Variants in SLC26A11 observed in about 807,000 individuals in gnomAD.
SLC26A11 encodes sodium-independent sulfate anion transporter.
SLC26A11 carries 58 observed loss-of-function variants against 62.2 expected under a neutral mutation model. The ratio of observed to expected loss-of-function variants is 0.93; its 90% CI spans 0.76 to 1.16. The LOEUF (loss-of-function observed/expected upper bound fraction) is 1.16, where lower values mean the gene tolerates loss of function less well. Ranked by LOEUF, SLC26A11 falls within the 50% of genes most tolerant of loss-of-function variation. The pLI, the probability that SLC26A11 is intolerant of heterozygous loss-of-function variation, is 0.00. For synonymous variants in SLC26A11, 411 were observed against 368.9 expected (o/e 1.11, Z -1.31); for missense variants, 790 against 794.3 (o/e 0.99, Z 0.06).
rs373987508 is a variant in SLC26A11, at chr17:80,241,795, A to T, written c.1010A>T (p.Asp337Val). 1.1e-5 allele frequency: 18 copies of T among 1,614,076 alleles called. No individual in the cohort carries two copies. Among genetic ancestry groups the T allele is most frequent in the Non-Finnish European group, 1.4e-5 (17 of 1,180,040 alleles). ...AFASQNNYRI[D>V]ANQELLAIGL... ...GCATCTCAGAATAATTACCGCATCG[A>T]TGCCAACCAGGAGCTGCTGGCCATC... The change falls in exon 10 of 18, where the codon GAT becomes GTT. Residue 337 changes from aspartate to valine, a missense_variant. Coordinates refer to ENST00000361193, the MANE Select transcript of SLC26A11 (RefSeq NM_001166347.2).
chr17:80,237,466 ACTGCTGGGTCCTAC>A, intron 8 of SLC26A11, 42 bp from the exon 9 acceptor site: 1 of 1,514,270 alleles, frequency 6.6e-7, no homozygotes, highest in Non-Finnish European at 9.0e-7. Flanking sequence ...TTCATGGGTC[ACTGCTGGGTCCTAC>A]CCCTTAGGAA....
chr17:80,245,095 C>G (rs2144964123), intron 10 of SLC26A11, 101 bp from the exon 11 acceptor site: 1 of 1,075,026 alleles, frequency 9.3e-7, no homozygotes, highest in African/African-American at 1.6e-5. Flanking sequence ...CGAGCCCTGC[C>G]TTCCTGCCTC....
intron 7 of SLC26A11, among the ~76,000 whole-genome samples, chr17:80,229,961 T>G (rs1457406124): frequency 1.3e-5 from 2 of 151,496 alleles, no homozygotes; most frequent in Non-Finnish European, 2.9e-5. Flanking sequence ...CCCAGCACTT[T>G]GGGAGGCCGA....
chr17:80,226,812 G>A (rs561486228), intron 6 of SLC26A11, among the ~76,000 whole-genome samples: 2 of 152,336 alleles, frequency 1.3e-5, no homozygotes, highest in East Asian at 1.9e-4. Flanking sequence ...GGAAGGGGCT[G>A]GAGGAGGAAA....
At chr17:80,244,673 C>T (rs905063783) in intron 10 of SLC26A11, among the ~76,000 whole-genome samples, 3 of 152,072 alleles carry the variant, frequency 2.0e-5, no homozygotes, top group Non-Finnish European at 1.5e-5. Context: ...AAAACCCTGT[C>T]TCTACTAAAA....
At chr17:80,224,375 G>C (rs149076212) in intron 5 of SLC26A11, among the ~76,000 whole-genome samples, 1 of 146,080 alleles carries the variant, frequency 6.8e-6, no homozygotes, top group African/African-American at 2.6e-5. Context: ...GTGTGAGTGC[G>C]CGCGCGCGTG....
intron 15 of SLC26A11, 91 bp downstream of exon 15, chr17:80,248,765 CA>C (rs1371754697): frequency 7.8e-7 from 1 of 1,276,274 alleles, no homozygotes; most frequent in Admixed American, 2.1e-5. Context: ...ACCCTGTCCC[CA>C]ACGCTCTCCA....
intron 7 of SLC26A11, among the ~76,000 whole-genome samples, chr17:80,232,321 C>G (rs753655718): frequency 2.2e-4 from 33 of 151,618 alleles, no homozygotes; most frequent in Non-Finnish European, 4.1e-4. Flanking sequence ...ATGGCGTGAT[C>G]TTGGCTCACT....
At chr17:80,225,978 G>A (rs11150850) in intron 6 of SLC26A11, 62 bp downstream of exon 6, 256,865 of 1,482,228 alleles carry the variant, frequency 0.17, 28,282 homozygotes, top group East Asian at 0.63. Context: ...CTCCTCTCCC[G>A]GCCCCCACCT....
intron 6 of SLC26A11, among the ~76,000 whole-genome samples, chr17:80,227,467 C>T (rs1469077583): frequency 1.3e-5 from 2 of 152,196 alleles, no homozygotes. Context: ...CGGGCCTCTC[C>T]ACTGCCTGTC....
rs1391006589 is a variant in SLC26A11 at position 80,223,658 on chromosome 17, T to C, written c.513+321T>C. Among the ~76,000 whole-genome samples the C allele has an allele frequency of 2.0e-5, 3 of 152,196 alleles. No individual in the cohort carries two copies. The highest frequency in any genetic ancestry group is 6.5e-5 in the Admixed American group (1 of 15,280). On this transcript the variant is annotated intron_variant, in intron 5 of 17. Transcript: ENST00000361193. This position sits in a 1 kb window ranked among gnomAD's most constrained non-coding sequence, Gnocchi z 4.6. ...CTCTGTGACGTGGCTCTGTTCTCCC[T>C]GCACTGGGCACACCCAGCAGGCCCC...
intron 16 of SLC26A11, 24 bp downstream of exon 16, chr17:80,249,311 A>G (rs1201930530): frequency 6.2e-7 from 1 of 1,605,328 alleles, no homozygotes; most frequent in Admixed American, 1.7e-5. Flanking sequence ...GGGCTGCCTT[A>G]GGGGTTAGCA....
intron 2 of SLC26A11, 88 bp downstream of exon 2, chr17:80,221,203 C>T (rs535085133): frequency 2.6e-5 from 6 of 231,114 alleles, no homozygotes; most frequent in African/African-American, 1.4e-4. Flanking sequence ...AGTCGGTTCT[C>T]CAGGGGCCAG....
At position 80,223,843 on chromosome 17, in the gene SLC26A11, A is replaced by C. The variant is rs1351127085; in HGVS notation, c.513+506A>C. On this transcript the variant is annotated intron_variant, in intron 5 of 17. Transcript: ENST00000361193. The surrounding 1 kb of genome is among the most constrained non-coding windows in gnomAD (Gnocchi z 4.6). ...TTCTTTTAAAACATTTATAATAAGT[A>C]CTAAAATCAGTCATCAGCTGAGGGT... Among the ~76,000 whole-genome samples, 1 of 152,218 alleles carries C rather than the reference A, an allele frequency of 6.6e-6. No individual in the cohort carries two copies. The highest frequency in any genetic ancestry group is 1.5e-5 in the Non-Finnish European group (1 of 68,040).
Position 80,252,633 on chromosome 17 carries a change from C to A in SLC26A11, c.1738C>A (p.Leu580Met), listed in dbSNP as rs1338025204. 2 of 1,613,826 alleles carry A rather than the reference C, an allele frequency of 1.2e-6. No individual in the cohort carries two copies. Among genetic ancestry groups the A allele is most frequent in the Admixed American group, 3.3e-5 (2 of 59,996 alleles). ...TATTGTATTTTCTGCAGAGAAGCAC[C>A]TGAGGCAGGAGCCAGGGACCCAGCC... ...FSTLEEAEKH[L>M]RQEPGTQPYN... The change falls in exon 18 of 18, where the codon CTG becomes ATG. Residue 580 changes from leucine (L) to methionine (M), a missense_variant. Transcript: ENST00000361193. This position sits in a 1 kb window ranked among gnomAD's most constrained non-coding sequence, Gnocchi z 5.2.
chr17:80,223,899 G>C lies in SLC26A11; in HGVS notation c.513+562G>C, dbSNP rs938703239. On this transcript the variant is annotated intron_variant, in intron 5 of 17. Coordinates refer to ENST00000361193, the MANE Select transcript of SLC26A11 (RefSeq NM_001166347.2). The surrounding 1 kb of genome is among the most constrained non-coding windows in gnomAD (Gnocchi z 4.6). ...TTATTCTGTTTTTGCTGGGTTGTAAGTTCCTCGAGGGTAGGAACTGTCCTT... is the reference window on the plus strand; with the variant it reads ...TTATTCTGTTTTTGCTGGGTTGTAACTTCCTCGAGGGTAGGAACTGTCCTT... Among the ~76,000 whole-genome samples the C allele has an allele frequency of 2.6e-5, 4 of 152,206 alleles. No homozygotes were observed. The highest frequency in any genetic ancestry group is 9.6e-5 in the African/African-American group (4 of 41,456).
chr17:80,239,937 T>C (rs1418326649), intron 9 of SLC26A11, among the ~76,000 whole-genome samples: 1 of 152,242 alleles, frequency 6.6e-6, no homozygotes, highest in Non-Finnish European at 1.5e-5. Flanking sequence ...CTGTGCCACT[T>C]GGGGATGTGC....
chr17:80,222,010 G>A lies in SLC26A11; in HGVS notation c.234+216G>A. ...CTGAGCTGGTTATGGAGGGGCCAGC[G>A]AGATGACTCATGGAGGCCTCAGGAG... On this transcript the variant is annotated intron_variant, in intron 3 of 17. Coordinates refer to ENST00000361193, the MANE Select transcript of SLC26A11 (RefSeq NM_001166347.2). This position sits in a 1 kb window ranked among gnomAD's most constrained non-coding sequence, Gnocchi z 4.7. The A allele has an allele frequency of 1.8e-6, 1 of 562,120 alleles. No individual in the cohort carries two copies. The highest frequency in any genetic ancestry group is 3.1e-6 in the Non-Finnish European group (1 of 325,394). 34.8% of individuals were successfully genotyped at this position (562,120 alleles called of 1,614,324 possible). A position where few individuals can be genotyped will look rare whatever the true frequency, so the allele number is the denominator to read the frequency against.
intron 7 of SLC26A11, 39 bp from the exon 8 acceptor site, chr17:80,236,889 G>T: frequency 6.3e-7 from 1 of 1,580,544 alleles, no homozygotes; most frequent in South Asian, 1.1e-5. Flanking sequence ...CACACTCGCC[G>T]GGAGCAGGGT....
Sources: allele counts gnomAD v4.1 joint callset (sites outside exome capture counted in the v4.1 genomes callset), GRCh38; gene constraint gnomAD v4.1.1; non-coding constraint Gnocchi (gnomAD v3.1); transcripts MANE v1.5; gene names NCBI Gene and HGNC (gene_info 2026-07-23, HGNC 2026-07-21).